The following ZFR2 variants were observed in gnomAD, a reference collection of about 807,000 sequenced individuals.
ZFR2 encodes the protein zinc finger RNA binding protein 2.
A neutral mutation model predicts 105.7 loss-of-function variants in ZFR2; 104 were observed. The observed-to-expected ratio is 0.98, with a 90% confidence interval of 0.84 to 1.16. The LOEUF (loss-of-function observed/expected upper bound fraction) is 1.16, where lower values mean the gene tolerates loss of function less well. Among genes scored for constraint, ZFR2 ranks in the 50% most tolerant of loss-of-function variants. The probability of loss-of-function intolerance (pLI) is 0.00; values close to 1 mark genes in which losing one functional copy is unlikely to be tolerated. For missense variants in ZFR2, 1,425 were observed against 1,355.5 expected (o/e 1.05, Z -0.80); for synonymous variants, 634 against 597.7 (o/e 1.06, Z -0.89).
At position 3,820,717 on chromosome 19, in the gene ZFR2, TA is replaced by T. The variant is rs538009683; in HGVS notation, c.1632-428del. On this transcript the variant is annotated intron_variant, in intron 10 of 18. Transcript: ENST00000262961. ...AAGGGGACTCAGGGGATACCAAGGG[TA>T]AGGGGACACAGGGTCATCAGGGGTC... Among the ~76,000 whole-genome samples the T allele has an allele frequency of 2.7e-3, 391 of 143,272 alleles. 5 individuals carry two copies. Among genetic ancestry groups the T allele is most frequent in the African/African-American group, 9.5e-3 (361 of 37,860 alleles). 94.0% of individuals were successfully genotyped at this position (143,272 alleles called of 152,430 possible). A position where few individuals can be genotyped will look rare whatever the true frequency, so the allele number is the denominator to read the frequency against.
At chr19:3,846,272 T>C (rs1334891893) in intron 1 of ZFR2, among the ~76,000 whole-genome samples, 1 of 152,268 alleles carries the variant, frequency 6.6e-6, no homozygotes, top group Non-Finnish European at 1.5e-5. Context: ...CCACTGCACC[T>C]GGCCCATTTT....
chr19:3,834,267 A>G lies in ZFR2; in HGVS notation c.265-489T>C, dbSNP rs1486615886. 1.3e-5 allele frequency among the ~76,000 whole-genome samples: 2 copies of G among 152,166 alleles called. No individual in the cohort carries two copies. The highest frequency in any genetic ancestry group is 4.8e-5 in the African/African-American group (2 of 41,436). ...CATCTTTGCGACACCAAGTGGGAAC[A>G]CGGTGGCTGGATCTGCAGCCTGAGT... On this transcript the variant is annotated intron_variant, in intron 2 of 18. Coordinates refer to ENST00000262961, the MANE Select transcript of ZFR2 (RefSeq NM_015174.2). This position sits in a 1 kb window ranked among gnomAD's most constrained non-coding sequence, Gnocchi z 5.3.
At position 3,815,820 on chromosome 19, in the gene ZFR2, C is replaced by T. The variant is rs185279472; in HGVS notation, c.2103+854G>A. On this transcript the variant is annotated intron_variant, in intron 13 of 18. Coordinates refer to ENST00000262961, the MANE Select transcript of ZFR2 (RefSeq NM_015174.2). ...AGGCTGGAGTGCAGTGGCGCGATCT[C>T]GGCTCACTGCAACCTCTGCCTCCCG... Among the ~76,000 whole-genome samples, 219 of 149,672 alleles carry T rather than the reference C, an allele frequency of 1.5e-3. 2 individuals carry two copies. Among genetic ancestry groups the T allele is most frequent in the African/African-American group, 5.0e-3 (205 of 40,756 alleles).
rs1043920267 is a variant in ZFR2, at chr19:3,823,584, G to A, written c.1214-181C>T. 6.6e-6 allele frequency among the ~76,000 whole-genome samples: 1 copy of A among 152,112 alleles called. No individual in the cohort carries two copies. The highest frequency in any genetic ancestry group is 1.9e-4 in the East Asian group (1 of 5,178). On this transcript the variant is annotated intron_variant, in intron 7 of 18. Coordinates refer to ENST00000262961, the MANE Select transcript of ZFR2 (RefSeq NM_015174.2). This position sits in a 1 kb window ranked among gnomAD's most constrained non-coding sequence, Gnocchi z 5.4. ...ACCTCGCTCTCCCTTTCATGCCTGC[G>A]TGTGACCCAGCCAAGAAACCGAGGC...
At position 3,804,575 on chromosome 19, in the gene ZFR2, T is replaced by G. The variant is rs2037677760; in HGVS notation, c.*1374A>C. 6.6e-6 allele frequency: 1 copy of G among 152,220 alleles called. No homozygotes were observed. The highest frequency in any genetic ancestry group is 1.5e-5 in the Non-Finnish European group (1 of 68,154). 9.4% of individuals were successfully genotyped at this position (152,220 alleles called of 1,614,324 possible). A position where few individuals can be genotyped will look rare whatever the true frequency, so the allele number is the denominator to read the frequency against. On this transcript the variant is annotated 3_prime_UTR_variant, in exon 19 of 19. Coordinates refer to ENST00000262961, the MANE Select transcript of ZFR2 (RefSeq NM_015174.2). Reference sequence around the variant, plus strand: ...GGTGCCTCTGGGCTCCGGGTCTGACTGTCCAGCACAGCTGTTCCCGGGGGA... The same window carrying G: ...GGTGCCTCTGGGCTCCGGGTCTGACGGTCCAGCACAGCTGTTCCCGGGGGA...
At chr19:3,868,370 TCCC>T (rs1449877236) in intron 1 of ZFR2, among the ~76,000 whole-genome samples, 1 of 142,716 alleles carries the variant, frequency 7.0e-6, no homozygotes, top group Non-Finnish European at 1.5e-5. Context: ...TGTCTTCTCC[TCCC>T]CCCGCAATCG....
chr19:3,838,317 A>T lies in ZFR2; in HGVS notation c.54-3334T>A, dbSNP rs1454018144. On this transcript the variant is annotated intron_variant, in intron 1 of 18. Transcript: ENST00000262961. The surrounding 1 kb of genome is among the most constrained non-coding windows in gnomAD (Gnocchi z 4.9). ...TGATGAACACTATGACAGTGGCAGT[A>T]CTCCTGTTCCCACACTCCCTCCCGT... is the stretch of plus-strand genomic sequence containing the variant. Among the ~76,000 whole-genome samples, 1 of 152,182 alleles carries T rather than the reference A, an allele frequency of 6.6e-6. No individual in the cohort carries two copies. Among genetic ancestry groups the T allele is most frequent in the Non-Finnish European group, 1.5e-5 (1 of 68,038 alleles).
At chr19:3,818,890 T>C (rs1043497130) in intron 12 of ZFR2, among the ~76,000 whole-genome samples, 155 bp downstream of exon 12, 5 of 152,230 alleles carry the variant, frequency 3.3e-5, no homozygotes, top group Admixed American at 6.5e-5. Context: ...CTCTGAGACC[T>C]GGGGAACTTC....
At chr19:3,848,519 T>C (rs993216295) in intron 1 of ZFR2, among the ~76,000 whole-genome samples, 1 of 151,256 alleles carries the variant, frequency 6.6e-6, no homozygotes, top group East Asian at 2.0e-4. Context: ...AAGACCAGCC[T>C]GGGCAACATA....
At chr19:3,825,437 G>T in intron 6 of ZFR2, 30 bp from the exon 7 acceptor site, 1 of 1,544,692 alleles carries the variant, frequency 6.5e-7, no homozygotes. Context: ...GCTCCCGCGT[G>T]AGGGCCGCTC....
At chr19:3,845,715 A>C (rs928782364) in intron 1 of ZFR2, among the ~76,000 whole-genome samples, 1 of 151,904 alleles carries the variant, frequency 6.6e-6, no homozygotes, top group Non-Finnish European at 1.5e-5. Context: ...GGGTCACTGG[A>C]GCCCAGGAGG....
intron 10 of ZFR2, 26 bp from the exon 11 acceptor site, chr19:3,820,316 A>G (rs2037876352): frequency 2.0e-6 from 3 of 1,533,460 alleles, no homozygotes; most frequent in Non-Finnish European, 2.6e-6. Context: ...GTGACAGAGC[A>G]TGGTCAGGCC....
At position 3,831,316 on chromosome 19, in the gene ZFR2, C is replaced by T. The variant is rs867605388; in HGVS notation, c.839G>A (p.Cys280Tyr). ...LHYCDICKIS[C>Y]AGPQTYREHL... ...AGGGCGACTGACCTGGGGGCCAGCG[C>T]AGCTGATCTTGCAGATGTCGCAGTA... The change falls in exon 5 of 19, where the codon TGC becomes TAC. Residue 280 changes from cysteine (C) to tyrosine (Y), a missense_variant. Transcript: ENST00000262961. 6.5e-7 allele frequency: 1 copy of T among 1,543,158 alleles called. No homozygotes were observed.
At chr19:3,811,460 C>A in intron 14 of ZFR2, 94 bp from the exon 15 acceptor site, 1 of 884,546 alleles carries the variant, frequency 1.1e-6, no homozygotes, top group Non-Finnish European at 1.6e-6. Context: ...CCCCTCGACG[C>A]TTTTTTTTTT....
At position 3,813,831 on chromosome 19, in the gene ZFR2, G is replaced by A. The variant is rs773098475; in HGVS notation, c.2231C>T (p.Ser744Phe). 29 of 1,613,856 alleles carry A rather than the reference G, an allele frequency of 1.8e-5. No individual in the cohort carries two copies. The highest frequency in any genetic ancestry group is 2.4e-5 in the Non-Finnish European group (28 of 1,179,872). The change falls in exon 14 of 19, where the codon TCC becomes TTC. Residue 744 changes from serine (S) to phenylalanine (F), a missense_variant. By Grantham distance (155) the Ser-to-Phe change is radical. Coordinates refer to ENST00000262961, the MANE Select transcript of ZFR2 (RefSeq NM_015174.2). The surrounding 1 kb of genome is among the most constrained non-coding windows in gnomAD (Gnocchi z 4.4). ...VTSPLMREDP[S>F]TDPGVEEPQA... ...GGGCTGGGCCGCACCTGGGTCTGTGGAGGGGTCCTCCCGCATCAGAGGTGA... is the reference window on the plus strand; with the variant it reads ...GGGCTGGGCCGCACCTGGGTCTGTGAAGGGGTCCTCCCGCATCAGAGGTGA...
rs1342620691 is a variant in ZFR2, at chr19:3,813,785, G to A, written c.2242+35C>T. On this transcript the variant is annotated intron_variant, in intron 14 of 18. Transcript: ENST00000262961. This position sits in a 1 kb window ranked among gnomAD's most constrained non-coding sequence, Gnocchi z 4.4. The stretch of plus-strand genomic sequence containing the variant: ...GGGGAGCGCCCTGGGGAAGCGTGAG[G>A]GGGACAGTGGTTGGAAGGAAGGGCT... The A allele has an allele frequency of 1.2e-6, 2 of 1,610,590 alleles. No homozygotes were observed. The highest frequency in any genetic ancestry group is 2.7e-5 in the African/African-American group (2 of 74,882).
chr19:3,867,317 T>C (rs2038444607), intron 1 of ZFR2, among the ~76,000 whole-genome samples: 1 of 148,422 alleles, frequency 6.7e-6, no homozygotes, highest in Non-Finnish European at 1.5e-5. Flanking sequence ...GGGGGGAATC[T>C]GGTCCCCTCA....
At chr19:3,835,025 C>A (rs557844337) in intron 1 of ZFR2, 42 bp from the exon 2 acceptor site, 33 of 1,571,046 alleles carry the variant, frequency 2.1e-5, no homozygotes, top group Non-Finnish European at 2.8e-5. Flanking sequence ...CAGGTTAGAG[C>A]GAGTTCTCAG....
chr19:3,829,695 T>A (rs372327601), intron 5 of ZFR2, among the ~76,000 whole-genome samples: 64 of 152,224 alleles, frequency 4.2e-4, no homozygotes, highest in African/African-American at 1.5e-3. Context: ...AAATTTTTTT[T>A]AGAGACAGGG....
Sources: gnomAD v4.1 joint callset for allele counts (sites outside exome capture counted in the v4.1 genomes callset) on GRCh38, gnomAD v4.1.1 for gene constraint, Gnocchi (gnomAD v3.1) non-coding constraint, MANE v1.5 for transcripts, NCBI Gene and HGNC (gene_info 2026-07-23, HGNC 2026-07-21) for gene names.